Variants in KDM4B observed in about 807,000 individuals in gnomAD.
KDM4B encodes the protein lysine demethylase 4B, also known as lysine-specific demethylase 4B.
KDM4B carries 32 observed loss-of-function variants against 125.2 expected under a neutral mutation model. That is an observed-to-expected ratio of 0.26 (90% CI 0.19 to 0.34). The LOEUF (loss-of-function observed/expected upper bound fraction) is 0.34, where lower values mean the gene tolerates loss of function less well. Among genes scored for constraint, KDM4B ranks in the 10% least tolerant of loss-of-function variants. KDM4B has a pLI of 1.00. For missense variants in KDM4B, 1,190 were observed against 1,577.7 expected (o/e 0.75, Z 4.16); for synonymous variants, 721 against 677.9 (o/e 1.06, Z -0.99).
At position 5,141,122 on chromosome 19, in the gene KDM4B, G is replaced by A. The variant is rs982164526; in HGVS notation, c.2551-2845G>A. ...GGTGCGAGGTGCCCACGAGCCCGGC[G>A]GGCTTGGATGCCATGCTTGGAGCCC... On this transcript the variant is annotated intron_variant, in intron 18 of 22. Coordinates refer to ENST00000159111, the MANE Select transcript of KDM4B (RefSeq NM_015015.3). This position sits in a 1 kb window ranked among gnomAD's most constrained non-coding sequence, Gnocchi z 6.4. 2.6e-5 allele frequency: 4 copies of A among 152,244 alleles called. No homozygotes were observed. The highest frequency in any genetic ancestry group is 6.5e-5 in the Admixed American group (1 of 15,292). The allele number at this position is 152,244 out of a possible 1,614,324, so 9.4% of individuals were successfully genotyped here. A position where few individuals can be genotyped will look rare whatever the true frequency, so the allele number is the denominator to read the frequency against.
At chr19:5,069,678 A>G (rs906733137) in intron 6 of KDM4B, among the ~76,000 whole-genome samples, 23 of 152,092 alleles carry the variant, frequency 1.5e-4, no homozygotes, top group Non-Finnish European at 2.1e-4. Context: ...CAGTGGCACC[A>G]TCTTGGCTCA....
chr19:5,038,717 A>G lies in KDM4B; in HGVS notation c.142-1119A>G, dbSNP rs1036851309. Among the ~76,000 whole-genome samples the G allele has an allele frequency of 2.6e-5, 4 of 152,276 alleles. No individual in the cohort carries two copies. The South Asian group carries it at 8.3e-4, about 32-fold the overall frequency. On this transcript the variant is annotated intron_variant, in intron 3 of 22. Coordinates refer to ENST00000159111, the MANE Select transcript of KDM4B (RefSeq NM_015015.3). ...TGTGTTGTGGATCGCTGTGTGCCTCAGTTTCTTCAGCGGTCAGATGGGAGC... is the reference window on the plus strand; with the variant it reads ...TGTGTTGTGGATCGCTGTGTGCCTCGGTTTCTTCAGCGGTCAGATGGGAGC...
chr19:5,111,817 C>A, intron 10 of KDM4B: 1 of 765,214 alleles, frequency 1.3e-6, no homozygotes, highest in Non-Finnish European at 2.4e-6. Context: ...CGCATGGCAA[C>A]TCAAGACCCT....
intron 1 of KDM4B, among the ~76,000 whole-genome samples, chr19:4,983,447 A>G (rs7258444): frequency 0.083 from 12,590 of 152,256 alleles, 1,596 homozygotes; most frequent in African/African-American, 0.27. Flanking sequence ...GCGGCTGAAG[A>G]AGAGCTAGGC....
intron 6 of KDM4B, among the ~76,000 whole-genome samples, chr19:5,057,326 A>T (rs968951430): frequency 6.6e-5 from 10 of 151,932 alleles, no homozygotes; most frequent in Non-Finnish European, 1.5e-5. Context: ...TTTCTGCTCA[A>T]TGGTGTGTGT....
chr19:5,094,329 G>A lies in KDM4B; in HGVS notation c.918+11825G>A, dbSNP rs1479273949. Among the ~76,000 whole-genome samples the A allele has an allele frequency of 4.6e-5, 7 of 152,368 alleles. No homozygotes were observed. In the East Asian group the frequency reaches 5.8e-4, roughly 13 times the overall value. ...GGGAACAGCACTGCTGGGGAGGAAC[G>A]AAAATTGCGAGGTCCCTGAGCGGGG... On this transcript the variant is annotated intron_variant, in intron 9 of 22. Transcript: ENST00000159111.
chr19:5,107,868 C>T (rs1241965047), intron 9 of KDM4B, among the ~76,000 whole-genome samples: 1 of 152,264 alleles, frequency 6.6e-6, no homozygotes, highest in Non-Finnish European at 1.5e-5. Context: ...CCCTGTGACC[C>T]ACCGGCCTTG....
intron 6 of KDM4B, among the ~76,000 whole-genome samples, chr19:5,059,311 C>T (rs569162600): frequency 5.8e-4 from 88 of 152,358 alleles, no homozygotes; most frequent in Non-Finnish European, 1.1e-3. Flanking sequence ...GGGACAGGAG[C>T]GCTGGCTGCC....
At chr19:5,029,778 G>C (rs1434536827) in intron 2 of KDM4B, among the ~76,000 whole-genome samples, 1 of 152,230 alleles carries the variant, frequency 6.6e-6, no homozygotes, top group Non-Finnish European at 1.5e-5. Context: ...AGTGAACCGT[G>C]ACCGTGCCAC....
intron 21 of KDM4B, among the ~76,000 whole-genome samples, chr19:5,145,489 G>A (rs962198325): frequency 5.3e-5 from 8 of 152,108 alleles, no homozygotes; most frequent in African/African-American, 1.9e-4. Flanking sequence ...GCTGAGGCAG[G>A]AGAATCGCTT....
intron 18 of KDM4B, among the ~76,000 whole-genome samples, chr19:5,138,963 C>T (rs2039696491): frequency 6.6e-6 from 1 of 152,214 alleles, no homozygotes; most frequent in African/African-American, 2.4e-5. Context: ...CACTCTGTTA[C>T]CCAGGCTGGA....
intron 11 of KDM4B, among the ~76,000 whole-genome samples, chr19:5,126,849 C>A (rs1192130826): frequency 6.6e-6 from 1 of 152,194 alleles, no homozygotes; most frequent in Non-Finnish European, 1.5e-5. Context: ...AAGCCAAGCA[C>A]GAAACTTGAG....
At chr19:5,025,553 T>G (rs945225527) in intron 2 of KDM4B, among the ~76,000 whole-genome samples, 6 of 152,224 alleles carry the variant, frequency 3.9e-5, no homozygotes, top group African/African-American at 1.4e-4. Context: ...CTCCTTGCTC[T>G]GAACCACCTG....
At chr19:5,111,340 C>T (rs763861062) in intron 10 of KDM4B, 46 of 751,896 alleles carry the variant, frequency 6.1e-5, no homozygotes, top group South Asian at 1.8e-4. Context: ...AGGCCGGCCC[C>T]GGGGCGTGAC....
intron 16 of KDM4B, 81 bp from the exon 17 acceptor site, chr19:5,137,540 C>T (rs1462265155): frequency 2.7e-5 from 38 of 1,414,528 alleles, no homozygotes; most frequent in Middle Eastern, 1.7e-4. Flanking sequence ...GGGCTGGGGA[C>T]GGTTGGCAGA....
Position 5,151,574 on chromosome 19 carries a change from C to A in KDM4B, c.*63C>A. ...GAGGCCATGGCATGCCCCGGGCGTT[C>A]GCTTGCTGTGAATTCCTGTCCTCGT... On this transcript the variant is annotated 3_prime_UTR_variant, in exon 23 of 23. Coordinates refer to ENST00000159111, the MANE Select transcript of KDM4B (RefSeq NM_015015.3). The A allele has an allele frequency of 8.0e-7, 1 of 1,257,810 alleles. No individual in the cohort carries two copies. The highest frequency in any genetic ancestry group is 1.0e-6 in the Non-Finnish European group (1 of 990,798). The allele number at this position is 1,257,810 out of a possible 1,614,324, so 77.9% of individuals were successfully genotyped here.
At position 5,115,624 on chromosome 19, in the gene KDM4B, CA is replaced by C. The variant is rs1346584941; in HGVS notation, c.1116-4026del. The stretch of plus-strand genomic sequence containing the variant: ...CACATTGGAGGCTGCGCTCCCATGA[CA>C]AAGGCAGGGCCTGCACAGCAAAGAA... On this transcript the variant is annotated intron_variant, in intron 10 of 22. Coordinates refer to ENST00000159111, the MANE Select transcript of KDM4B (RefSeq NM_015015.3). The surrounding 1 kb of genome is among the most constrained non-coding windows in gnomAD (Gnocchi z 4.2). Among the ~76,000 whole-genome samples, 1 of 152,208 alleles carries C rather than the reference CA, an allele frequency of 6.6e-6. No homozygotes were observed. Among genetic ancestry groups the C allele is most frequent in the Non-Finnish European group, 1.5e-5 (1 of 68,042 alleles).
chr19:5,144,062 C>T lies in KDM4B; in HGVS notation c.2646C>T (p.Cys882=), dbSNP rs868150606. 45 of 1,606,734 alleles carry T rather than the reference C, an allele frequency of 2.8e-5. No homozygotes were observed. Among genetic ancestry groups the T allele is most frequent in the Middle Eastern group, 1.6e-4 (1 of 6,070 alleles). ...GCTCCACGTCCTTCCACGTGACCTGCGCCCACGCCGCAGGCGTGCTCATGG... is the reference window on the plus strand; with the variant it reads ...GCTCCACGTCCTTCCACGTGACCTGTGCCCACGCCGCAGGCGTGCTCATGG... The part of the protein sequence containing the change: ...EHCSTSFHVT[C]AHAAGVLMEP... The change falls in exon 19 of 23, where the codon TGC becomes TGT. Residue 882 remains cysteine (C), a synonymous_variant. Transcript: ENST00000159111.
intron 1 of KDM4B, among the ~76,000 whole-genome samples, chr19:4,999,920 C>T (rs545539392): frequency 2.2e-5 from 3 of 134,910 alleles, no homozygotes; most frequent in South Asian, 2.6e-4. Context: ...CACCTGTCCA[C>T]ACACCGACCC....
Sources: gnomAD v4.1 joint callset for allele counts (sites outside exome capture counted in the v4.1 genomes callset) on GRCh38, gnomAD v4.1.1 for gene constraint, Gnocchi (gnomAD v3.1) non-coding constraint, MANE v1.5 for transcripts, NCBI Gene and HGNC (gene_info 2026-07-23, HGNC 2026-07-21) for gene names.